Variants in RIT2 observed in about 807,000 individuals in gnomAD.
The protein encoded by RIT2 is GTP-binding protein Rit2.
Under a neutral mutation model 23.7 loss-of-function variants are expected in RIT2, and 24 were observed. The observed-to-expected ratio is 1.01, with a 90% CI of 0.73 to 1.43. The LOEUF (loss-of-function observed/expected upper bound fraction) is 1.43, where lower values mean the gene tolerates loss of function less well. Ranked by LOEUF, RIT2 falls within the 40% of genes most tolerant of loss-of-function variation. RIT2 has a pLI of 0.00. For missense variants in RIT2, 236 were observed against 266.9 expected, an observed-to-expected ratio of 0.88 and a Z score of 0.81; for synonymous variants, 107 against 91.1, an observed-to-expected ratio of 1.17 and a Z score of -0.99.
At chr18:43,068,784 C>CA (rs58558962) in intron 1 of RIT2, among the ~76,000 whole-genome samples, 22,357 of 151,148 alleles carry the variant, frequency 0.15, 2,031 homozygotes, top group East Asian at 0.43. Context: ...TTCATAAATA[C>CA]AAAAAAAAAA....
chr18:43,006,582 G>A (rs1346500020), intron 2 of RIT2, among the ~76,000 whole-genome samples: 2 of 151,532 alleles, frequency 1.3e-5, no homozygotes, highest in African/African-American at 2.4e-5. Context: ...AGTAGAAAGA[G>A]CTCAAGAGTG....
At chr18:42,847,860 A>T (rs1906951129) in intron 4 of RIT2, among the ~76,000 whole-genome samples, 1 of 151,476 alleles carries the variant, frequency 6.6e-6, no homozygotes, top group South Asian at 2.1e-4. Flanking sequence ...AAATTGCTGT[A>T]TTTTTTGAGT....
chr18:43,070,625 T>G (rs1912876543), intron 1 of RIT2, among the ~76,000 whole-genome samples: 1 of 152,222 alleles, frequency 6.6e-6, no homozygotes, highest in Admixed American at 6.5e-5. Flanking sequence ...GAAGCAGCTT[T>G]TATTGATCTT....
At chr18:42,975,374 C>T (rs754269074) in intron 2 of RIT2, among the ~76,000 whole-genome samples, 11 of 152,030 alleles carry the variant, frequency 7.2e-5, no homozygotes, top group African/African-American at 2.4e-4. Flanking sequence ...ATGAGGCCTA[C>T]TTGATCATGA....
chr18:42,945,343 G>T (rs1909703032), intron 3 of RIT2, among the ~76,000 whole-genome samples: 1 of 151,214 alleles, frequency 6.6e-6, no homozygotes, highest in African/African-American at 2.4e-5. Context: ...AGTGCATCTA[G>T]CTTTTTTTTT....
At chr18:42,897,517 G>A (rs558284541) in intron 4 of RIT2, among the ~76,000 whole-genome samples, 1 of 152,158 alleles carries the variant, frequency 6.6e-6, no homozygotes, top group Non-Finnish European at 1.5e-5. Flanking sequence ...CCCAAAGGGA[G>A]CAAAAAGTTG....
intron 2 of RIT2, among the ~76,000 whole-genome samples, chr18:43,003,807 C>T (rs1366158853): frequency 8.8e-6 from 1 of 114,132 alleles, no homozygotes; most frequent in Non-Finnish European, 1.9e-5. Context: ...CACACACACA[C>T]ACATTAATAT....
At chr18:42,868,074 C>A (rs954207419) in intron 4 of RIT2, among the ~76,000 whole-genome samples, 1 of 152,186 alleles carries the variant, frequency 6.6e-6, no homozygotes, top group Non-Finnish European at 1.5e-5. Context: ...TTTGTCTTAA[C>A]TTATACTATG....
At chr18:42,779,690 A>G (rs908167977) in intron 4 of RIT2, among the ~76,000 whole-genome samples, 2 of 152,204 alleles carry the variant, frequency 1.3e-5, no homozygotes, top group African/African-American at 4.8e-5. Flanking sequence ...AATAGAAATG[A>G]AAATGCATGA....
chr18:42,999,197 G>A (rs1911051688), intron 2 of RIT2, among the ~76,000 whole-genome samples: 1 of 151,870 alleles, frequency 6.6e-6, no homozygotes, highest in South Asian at 2.1e-4. Context: ...TGCCTCTCAG[G>A]CTGACCTCTG....
chr18:42,803,668 C>T (rs1479124111), intron 4 of RIT2, among the ~76,000 whole-genome samples: 1 of 152,140 alleles, frequency 6.6e-6, no homozygotes, highest in Non-Finnish European at 1.5e-5. Context: ...AATAATACAG[C>T]ATGTTTTATG....
intron 4 of RIT2, among the ~76,000 whole-genome samples, chr18:42,883,265 C>T (rs907651429): frequency 6.6e-6 from 1 of 152,078 alleles, no homozygotes; most frequent in Admixed American, 6.6e-5. Flanking sequence ...TTGTTCCTGA[C>T]AATAAAGCCA....
At chr18:42,911,117 C>T (rs1248645005) in intron 4 of RIT2, among the ~76,000 whole-genome samples, 1 of 151,680 alleles carries the variant, frequency 6.6e-6, no homozygotes, top group Non-Finnish European at 1.5e-5. Flanking sequence ...GAAGAGTATA[C>T]CCATAACAGA....
At chr18:42,793,030 A>G (rs1203937078) in intron 4 of RIT2, among the ~76,000 whole-genome samples, 1 of 151,674 alleles carries the variant, frequency 6.6e-6, no homozygotes, top group Non-Finnish European at 1.5e-5. Flanking sequence ...CTCCCTCTTC[A>G]CAAGCACTCT....
intron 3 of RIT2, among the ~76,000 whole-genome samples, chr18:42,962,167 AG>A (rs1910108117): frequency 1.3e-5 from 2 of 152,240 alleles, no homozygotes; most frequent in Non-Finnish European, 2.9e-5. Flanking sequence ...TCTACCAGAA[AG>A]AACTTTGGAT....
chr18:42,776,342 A>G (rs1049190960), intron 4 of RIT2, among the ~76,000 whole-genome samples: 2 of 152,190 alleles, frequency 1.3e-5, no homozygotes, highest in African/African-American at 4.8e-5. Flanking sequence ...TTAGCTCTTG[A>G]TACAGAAAGT....
intron 1 of RIT2, among the ~76,000 whole-genome samples, chr18:43,086,888 C>T (rs1913295304): frequency 1.3e-5 from 2 of 152,146 alleles, no homozygotes; most frequent in African/African-American, 2.4e-5. Flanking sequence ...CTCAAATCTT[C>T]CTGCAGGACA....
chr18:43,047,032 T>C (rs2144303477), intron 1 of RIT2, among the ~76,000 whole-genome samples: 1 of 152,272 alleles, frequency 6.6e-6, no homozygotes, highest in Non-Finnish European at 1.5e-5. Flanking sequence ...AAAGCTATAA[T>C]TACTCACACA....
At chr18:43,097,778 A>G (rs1470128972) in intron 1 of RIT2, among the ~76,000 whole-genome samples, 1 of 151,982 alleles carries the variant, frequency 6.6e-6, no homozygotes, top group Non-Finnish European at 1.5e-5. Flanking sequence ...TATTACAATG[A>G]TCTCCAAGGG....
Sources: gnomAD v4.1 joint callset for allele counts (sites outside exome capture counted in the v4.1 genomes callset) on GRCh38, gnomAD v4.1.1 for gene constraint, MANE v1.5 for transcripts, NCBI Gene and HGNC (gene_info 2026-07-23, HGNC 2026-07-21) for gene names.